RAB3GAP1: variants seen among roughly 807,000 people sequenced by gnomAD.
The protein encoded by RAB3GAP1 is rab3 GTPase-activating protein catalytic subunit.
A neutral mutation model predicts 130.7 loss-of-function variants in RAB3GAP1; 86 were observed. That is an observed-to-expected ratio of 0.66 (90% confidence interval 0.55 to 0.79). The LOEUF (loss-of-function observed/expected upper bound fraction) is 0.79, where lower values mean the gene tolerates loss of function less well. RAB3GAP1 is among the 30% of genes least tolerant of loss of function. The pLI, the probability that RAB3GAP1 is intolerant of heterozygous loss-of-function variation, is 0.00. For missense variants in RAB3GAP1, 1,029 were observed against 1,169.4 expected (o/e 0.88, Z 1.75); for synonymous variants, 367 against 401.7 (o/e 0.91, Z 1.03).
chr2:135,133,361 G>T (rs1028219319), intron 14 of RAB3GAP1, among the ~76,000 whole-genome samples: 1 of 152,010 alleles, frequency 6.6e-6, no homozygotes, highest in Non-Finnish European at 1.5e-5. Flanking sequence ...AATTTTCATG[G>T]TCTCTTTGTC....
chr2:135,077,643 A>G (rs190524058), intron 3 of RAB3GAP1, among the ~76,000 whole-genome samples: 4 of 152,338 alleles, frequency 2.6e-5, no homozygotes, highest in African/African-American at 9.6e-5. Context: ...CACGTTTTCC[A>G]CAGTGGCTGT....
At chr2:135,057,276 T>G (rs1329766481) in intron 2 of RAB3GAP1, among the ~76,000 whole-genome samples, 1 of 152,192 alleles carries the variant, frequency 6.6e-6, no homozygotes, top group Non-Finnish European at 1.5e-5. Flanking sequence ...AGTTACCAAA[T>G]AATATTTTCT....
At chr2:135,126,037 G>A in intron 9 of RAB3GAP1, 144 bp from the exon 10 acceptor site, 4 of 649,292 alleles carry the variant, frequency 6.2e-6, no homozygotes, top group Non-Finnish European at 8.1e-6. Context: ...GCTACCATTT[G>A]CTAAATAAGT....
At chr2:135,149,635 A>G (rs1692111141) in intron 17 of RAB3GAP1, among the ~76,000 whole-genome samples, 1 of 152,340 alleles carries the variant, frequency 6.6e-6, no homozygotes, top group East Asian at 1.9e-4. Flanking sequence ...ATAGTTTTAT[A>G]ACCAGAGATG....
chr2:135,109,951 T>TTTG (rs567544714), intron 5 of RAB3GAP1, among the ~76,000 whole-genome samples: 18 of 152,144 alleles, frequency 1.2e-4, no homozygotes, highest in Admixed American at 7.2e-4. Context: ...TTGGTTGTTT[T>TTTG]TTGTTGTTGT....
At chr2:135,119,038 T>C (rs1178924415) in intron 7 of RAB3GAP1, among the ~76,000 whole-genome samples, 1 of 151,910 alleles carries the variant, frequency 6.6e-6, no homozygotes, top group African/African-American at 2.4e-5. Flanking sequence ...CAAAGATATT[T>C]CCATCATTTT....
At chr2:135,145,690 AC>A (rs1691972500) in intron 17 of RAB3GAP1, among the ~76,000 whole-genome samples, 1 of 152,212 alleles carries the variant, frequency 6.6e-6, no homozygotes, top group African/African-American at 2.4e-5. Context: ...TGAGTGATTA[AC>A]ATAATGTCTA....
intron 2 of RAB3GAP1, 122 bp downstream of exon 2, chr2:135,052,607 C>T: frequency 8.7e-7 from 1 of 1,149,348 alleles, no homozygotes; most frequent in Non-Finnish European, 1.3e-6. Context: ...ACCGTGGGTC[C>T]CGGGTCTCCT....
chr2:135,118,181 A>T (rs1691086111), intron 7 of RAB3GAP1, among the ~76,000 whole-genome samples: 3 of 152,122 alleles, frequency 2.0e-5, no homozygotes, highest in Admixed American at 1.3e-4. Context: ...AATGAATATG[A>T]TCTTCAGATC....
chr2:135,063,401 A>G (rs1277606325), intron 3 of RAB3GAP1, among the ~76,000 whole-genome samples: 1 of 152,214 alleles, frequency 6.6e-6, no homozygotes, highest in Non-Finnish European at 1.5e-5. Context: ...ATTATTGTGC[A>G]ATCATTACTA....
intron 5 of RAB3GAP1, among the ~76,000 whole-genome samples, chr2:135,105,270 C>T (rs1193889586): frequency 5.8e-5 from 8 of 138,538 alleles, no homozygotes; most frequent in African/African-American, 2.1e-4. Flanking sequence ...CATGGTCTCC[C>T]TCTGATGCCA....
rs769685157 is a variant in RAB3GAP1, at chr2:135,168,516, T to G, written c.2710-29T>G. 7 of 1,587,542 alleles carry G rather than the reference T, an allele frequency of 4.4e-6. No homozygotes were observed. In the East Asian group the frequency reaches 1.3e-4, roughly 30 times the overall value. ...ATCTGAGTTTAGCATTTGACCTGCT[T>G]TTGACTTTAGCATTTGATTCTTTTC... On this transcript the variant is annotated intron_variant, in intron 23 of 23. Coordinates refer to ENST00000264158, the MANE Select transcript of RAB3GAP1 (RefSeq NM_012233.3).
chr2:135,130,223 C>A, intron 12 of RAB3GAP1, 136 bp downstream of exon 12: 1 of 756,396 alleles, frequency 1.3e-6, no homozygotes, highest in Admixed American at 2.3e-5. Context: ...TAGACAGCTA[C>A]AGTTCCTTTC....
intron 14 of RAB3GAP1, among the ~76,000 whole-genome samples, chr2:135,133,253 A>G (rs1287210609): frequency 2.0e-5 from 3 of 152,162 alleles, no homozygotes; most frequent in Non-Finnish European, 2.9e-5. Context: ...TGGTGAAATC[A>G]TTAAATTTGT....
intron 3 of RAB3GAP1, among the ~76,000 whole-genome samples, chr2:135,061,662 G>T (rs2104827401): frequency 6.6e-6 from 1 of 151,948 alleles, no homozygotes; most frequent in African/African-American, 2.4e-5. Flanking sequence ...TGAGTTGTAG[G>T]AGTTCTTTTA....
chr2:135,094,519 C>T (rs902676742), intron 5 of RAB3GAP1, among the ~76,000 whole-genome samples: 23 of 152,216 alleles, frequency 1.5e-4, no homozygotes, highest in African/African-American at 4.3e-4. Context: ...GTCCCATTAA[C>T]CATCCCCTCT....
At chr2:135,052,558 A>G (rs991091125) in intron 2 of RAB3GAP1, 73 bp downstream of exon 2, 3 of 1,551,682 alleles carry the variant, frequency 1.9e-6, no homozygotes, top group Non-Finnish European at 2.7e-6. Context: ...CTGACCCCAG[A>G]CACACCACAA....
chr2:135,093,582 TACTA>T (rs1690206672), intron 4 of RAB3GAP1, 29 bp from the exon 5 acceptor site: 1 of 1,514,954 alleles, frequency 6.6e-7, no homozygotes, highest in East Asian at 2.3e-5. Context: ...ATCATGAACA[TACTA>T]ACTTTTTCAT....
chr2:135,120,749 T>C (rs1691172312), intron 7 of RAB3GAP1, 70 bp from the exon 8 acceptor site: 11 of 1,143,894 alleles, frequency 9.6e-6, no homozygotes, highest in Non-Finnish European at 1.5e-5. Flanking sequence ...AAGTTTGAAA[T>C]TTTGATGTTG....
Sources: gnomAD v4.1 joint callset for allele counts (sites outside exome capture counted in the v4.1 genomes callset) on GRCh38, gnomAD v4.1.1 for gene constraint, MANE v1.5 for transcripts, NCBI Gene and HGNC (gene_info 2026-07-23, HGNC 2026-07-21) for gene names.